GRM7: variants seen among roughly 807,000 people sequenced by gnomAD.
GRM7 encodes the protein glutamate metabotropic receptor 7, also known as metabotropic glutamate receptor 7.
A neutral mutation model predicts 84.5 loss-of-function variants in GRM7; 35 were observed. The observed-to-expected ratio is 0.41, with a 90% CI of 0.32 to 0.55. The LOEUF (loss-of-function observed/expected upper bound fraction) is 0.55. Ranked by LOEUF, GRM7 falls within the 20% of genes least tolerant of loss-of-function variation. GRM7 has a pLI of 0.19. For missense variants in GRM7, 1,003 were observed against 1,194.6 expected (o/e 0.84, Z 2.36); for synonymous variants, 487 against 455.1 (o/e 1.07, Z -0.89).
chr3:7,356,963 C>CAG (rs1553567186), intron 4 of GRM7, among the ~76,000 whole-genome samples: 3 of 145,788 alleles, frequency 2.1e-5, no homozygotes, highest in Non-Finnish European at 4.5e-5. Context: ...CACACACACA[C>CAG]AGTTATATGT....
chr3:7,501,765 A>G (rs540118150), intron 7 of GRM7, among the ~76,000 whole-genome samples: 1 of 152,328 alleles, frequency 6.6e-6, no homozygotes, highest in Non-Finnish European at 1.5e-5. Flanking sequence ...AGCTTTTGCA[A>G]TTACAGATTG....
chr3:6,899,157 A>G (rs562762470), intron 1 of GRM7, among the ~76,000 whole-genome samples: 103 of 152,316 alleles, frequency 6.8e-4, no homozygotes, highest in African/African-American at 2.4e-3. Context: ...AATAATAGCT[A>G]TCATCCATTG....
intron 2 of GRM7, among the ~76,000 whole-genome samples, chr3:7,165,232 T>C (rs1559479790): frequency 6.6e-6 from 1 of 152,232 alleles, no homozygotes; most frequent in Non-Finnish European, 1.5e-5. Flanking sequence ...AGTAACTGCA[T>C]TTCTTGTGTA....
chr3:7,329,336 C>T (rs1375582990), intron 4 of GRM7, among the ~76,000 whole-genome samples: 1 of 152,182 alleles, frequency 6.6e-6, no homozygotes, highest in Non-Finnish European at 1.5e-5. Context: ...CCGTGCCTCG[C>T]CATAAATTGG....
At chr3:7,349,436 G>T (rs1346722553) in intron 4 of GRM7, among the ~76,000 whole-genome samples, 3 of 152,118 alleles carry the variant, frequency 2.0e-5, no homozygotes, top group Non-Finnish European at 4.4e-5. Context: ...TTTCTGATTT[G>T]GAATTTGTCT....
At chr3:7,533,627 G>C (rs921852546) in intron 7 of GRM7, among the ~76,000 whole-genome samples, 3 of 152,120 alleles carry the variant, frequency 2.0e-5, no homozygotes, top group Admixed American at 6.6e-5. Flanking sequence ...TGGCAATCCA[G>C]AGGAAACCCC....
chr3:7,596,749 G>T (rs1201436996), intron 8 of GRM7, among the ~76,000 whole-genome samples: 1 of 152,094 alleles, frequency 6.6e-6, no homozygotes, highest in East Asian at 1.9e-4. Context: ...GTGGTGCTAG[G>T]GAGAATGGGA....
intron 5 of GRM7, among the ~76,000 whole-genome samples, chr3:7,427,249 A>G (rs1696647049): frequency 6.6e-6 from 1 of 152,218 alleles, no homozygotes; most frequent in Non-Finnish European, 1.5e-5. Flanking sequence ...AAATGAATTG[A>G]CAGGAATAGA....
intron 7 of GRM7, among the ~76,000 whole-genome samples, chr3:7,549,122 G>C (rs942626175): frequency 6.6e-6 from 1 of 152,050 alleles, no homozygotes. Flanking sequence ...CTAACTATTA[G>C]AATTTTACAA....
At chr3:7,555,200 G>T (rs1253562884) in intron 7 of GRM7, among the ~76,000 whole-genome samples, 1 of 152,134 alleles carries the variant, frequency 6.6e-6, no homozygotes, top group African/African-American at 2.4e-5. Context: ...AGGTCTGATT[G>T]GTTCACTCTA....
At chr3:7,726,865 T>TA (rs145598687) in intron 9 of GRM7, among the ~76,000 whole-genome samples, 1,591 of 148,276 alleles carry the variant, frequency 0.011, 36 homozygotes, top group African/African-American at 0.037. Context: ...CTGTTTCCTT[T>TA]AAAAAAAAAA....
intron 8 of GRM7, among the ~76,000 whole-genome samples, chr3:7,635,447 A>C (rs4054133): frequency 0.69 from 105,475 of 152,028 alleles, 36,827 homozygotes; most frequent in South Asian, 0.84. Flanking sequence ...CTCCTTAATA[A>C]AATGGCATCT....
chr3:7,308,701 G>C (rs1330723171), intron 4 of GRM7, among the ~76,000 whole-genome samples: 1 of 152,162 alleles, frequency 6.6e-6, no homozygotes, highest in East Asian at 1.9e-4. Flanking sequence ...ACTGTAAGGA[G>C]GGGTGAAGGG....
intron 4 of GRM7, among the ~76,000 whole-genome samples, chr3:7,389,221 T>C (rs1694898216): frequency 6.6e-6 from 1 of 152,194 alleles, no homozygotes; most frequent in South Asian, 2.1e-4. Context: ...TGGTATTTAT[T>C]GCATTGTGGT....
chr3:7,013,597 C>T (rs184162993), intron 1 of GRM7, among the ~76,000 whole-genome samples: 2 of 152,126 alleles, frequency 1.3e-5, no homozygotes, highest in African/African-American at 4.8e-5. Flanking sequence ...CCTTTATCCT[C>T]TCTCTTATAT....
At chr3:7,155,924 C>G (rs79359508) in intron 2 of GRM7, among the ~76,000 whole-genome samples, 2 of 152,114 alleles carry the variant, frequency 1.3e-5, no homozygotes, top group African/African-American at 4.8e-5. Context: ...ACTCTTTTGC[C>G]TAGATGACTT....
intron 1 of GRM7, among the ~76,000 whole-genome samples, chr3:6,877,857 G>C (rs1695372641): frequency 7.0e-6 from 1 of 143,540 alleles, no homozygotes; most frequent in African/African-American, 2.6e-5. Flanking sequence ...ACACACATAT[G>C]ACTTCTGCTA....
chr3:7,332,452 A>G (rs1021210827), intron 4 of GRM7, among the ~76,000 whole-genome samples: 2 of 152,218 alleles, frequency 1.3e-5, no homozygotes, highest in Non-Finnish European at 2.9e-5. Flanking sequence ...TCGTTTTTCC[A>G]AGTAGCATAC....
intron 4 of GRM7, among the ~76,000 whole-genome samples, chr3:7,366,020 G>A (rs1471593943): frequency 6.6e-6 from 1 of 151,764 alleles, no homozygotes; most frequent in African/African-American, 2.4e-5. Context: ...ATAAAACCAT[G>A]TATGGTCCAT....
Sources: allele counts gnomAD v4.1 joint callset (sites outside exome capture counted in the v4.1 genomes callset), GRCh38; gene constraint gnomAD v4.1.1; transcripts MANE v1.5; gene names NCBI Gene and HGNC (gene_info 2026-07-23, HGNC 2026-07-21).